Variants in NELL1 observed in about 807,000 individuals in gnomAD.
NELL1 encodes protein kinase C-binding protein NELL1.
A neutral mutation model predicts 107.4 loss-of-function variants in NELL1; 76 were observed. The observed-to-expected ratio is 0.71, with a 90% CI of 0.59 to 0.86. NELL1 has a LOEUF of 0.86. NELL1 is among the 40% of genes least tolerant of loss of function. The probability of loss-of-function intolerance (pLI) is 0.00; values close to 1 mark genes in which losing one functional copy is unlikely to be tolerated. For missense variants in NELL1, 1,024 were observed against 1,005.5 expected (o/e 1.02, Z -0.25); for synonymous variants, 353 against 341.2 (o/e 1.03, Z -0.38).
At chr11:21,211,796 C>T (rs767396055) in intron 13 of NELL1, among the ~76,000 whole-genome samples, 8 of 151,814 alleles carry the variant, frequency 5.3e-5, no homozygotes, top group African/African-American at 1.2e-4. Flanking sequence ...AATAACTGCA[C>T]GGTTCTGCTG....
At chr11:21,240,092 A>G (rs1196505739) in intron 14 of NELL1, among the ~76,000 whole-genome samples, 1 of 151,998 alleles carries the variant, frequency 6.6e-6, no homozygotes, top group Non-Finnish European at 1.5e-5. Context: ...AAGCAAAGAA[A>G]TTCAGAGCAA....
At chr11:21,106,044 G>A (rs1386945960) in intron 12 of NELL1, among the ~76,000 whole-genome samples, 1 of 148,350 alleles carries the variant, frequency 6.7e-6, no homozygotes, top group Non-Finnish European at 1.5e-5. Context: ...CATGCCTTAA[G>A]GCACAGACCT....
chr11:21,518,560 G>C (rs1017385581), intron 15 of NELL1, among the ~76,000 whole-genome samples: 10 of 152,120 alleles, frequency 6.6e-5, no homozygotes, highest in Non-Finnish European at 1.3e-4. Context: ...TTTTAAGCCG[G>C]AAAATAAAGC....
chr11:21,443,703 T>C (rs569883712), intron 15 of NELL1, among the ~76,000 whole-genome samples: 1 of 151,800 alleles, frequency 6.6e-6, no homozygotes, highest in African/African-American at 2.4e-5. Flanking sequence ...GCCTGACCAC[T>C]TGGGTGTGGT....
intron 15 of NELL1, among the ~76,000 whole-genome samples, chr11:21,518,549 C>A (rs907647849): frequency 6.6e-6 from 1 of 152,124 alleles, no homozygotes; most frequent in African/African-American, 2.4e-5. Context: ...TGTATTCCTC[C>A]TTTTAAGCCG....
chr11:21,103,302 A>AG (rs1854866180), intron 12 of NELL1, among the ~76,000 whole-genome samples: 1 of 152,094 alleles, frequency 6.6e-6, no homozygotes, highest in Non-Finnish European at 1.5e-5. Context: ...GCTTGAGGGG[A>AG]GGGGTGAATG....
At chr11:21,214,518 TA>T (rs1245898116) in intron 13 of NELL1, among the ~76,000 whole-genome samples, 1 of 152,054 alleles carries the variant, frequency 6.6e-6, no homozygotes, top group East Asian at 1.9e-4. Flanking sequence ...TCAGAATAGC[TA>T]AAACAAAAAA....
chr11:21,381,873 ATGTTTAACTTGGGTATGGTCCC>A (rs142148126), intron 15 of NELL1, among the ~76,000 whole-genome samples: 2,604 of 140,184 alleles, frequency 0.019, 59 homozygotes, highest in East Asian at 0.1. Flanking sequence ...GAATAGTGGC[ATGTTTAACTTGGGTATGGTCCC>A]TGGAAGGGAT....
In NELL1 at chr11:21,465,680, G is replaced by A. The variant is rs955420030; in HGVS notation, c.1646-68694G>A. On this transcript the variant is annotated intron_variant, in intron 15 of 19. Transcript: ENST00000357134. ...GACAAGTTATTTTCTGAAGAGAAAA[G>A]GACCAAGGAGGATGTAGTGGATAAG... Among the ~76,000 whole-genome samples, 6 of 152,052 alleles carry A rather than the reference G, an allele frequency of 3.9e-5. No homozygotes were observed. In the East Asian group the frequency reaches 5.8e-4, roughly 15 times the overall value.
At chr11:20,864,208 A>G (rs560398886) in intron 4 of NELL1, among the ~76,000 whole-genome samples, 124 of 152,306 alleles carry the variant, frequency 8.1e-4, no homozygotes, top group Non-Finnish European at 1.5e-3. Context: ...AATTGTATGT[A>G]TTTATTGTGT....
chr11:21,064,586 G>A (rs1304815836), intron 12 of NELL1, among the ~76,000 whole-genome samples: 1 of 152,116 alleles, frequency 6.6e-6, no homozygotes. Flanking sequence ...ATGGAAAGCT[G>A]CTGAAGAGTA....
At chr11:20,799,659 G>GTGTATGTA (rs55778551) in intron 3 of NELL1, among the ~76,000 whole-genome samples, 172 of 151,052 alleles carry the variant, frequency 1.1e-3, no homozygotes, top group African/African-American at 2.7e-3. Context: ...GTATGTATGT[G>GTGTATGTA]TGTATGTATG....
At chr11:20,725,391 C>T (rs11025716) in intron 2 of NELL1, among the ~76,000 whole-genome samples, 16,597 of 152,108 alleles carry the variant, frequency 0.11, 1,084 homozygotes, top group Non-Finnish European at 0.15. Context: ...GGTGAGGAAC[C>T]ATCAGAGCAG....
intron 15 of NELL1, among the ~76,000 whole-genome samples, chr11:21,492,709 C>G (rs1265862573): frequency 7.9e-6 from 1 of 126,136 alleles, no homozygotes; most frequent in East Asian, 2.3e-4. Context: ...AACACATGGA[C>G]ATAGGAAGGG....
intron 14 of NELL1, among the ~76,000 whole-genome samples, chr11:21,334,030 C>G (rs1008409415): frequency 6.6e-6 from 1 of 152,010 alleles, no homozygotes; most frequent in Admixed American, 6.6e-5. Context: ...CATTGGAGTT[C>G]ATTCATTTAT....
At chr11:21,367,078 C>T (rs986949066) in intron 14 of NELL1, among the ~76,000 whole-genome samples, 31 of 151,818 alleles carry the variant, frequency 2.0e-4, no homozygotes, top group African/African-American at 7.5e-4. Flanking sequence ...AAAAAAAGTA[C>T]TCTTTCTGTG....
chr11:20,756,750 C>G (rs192918529), intron 2 of NELL1, among the ~76,000 whole-genome samples: 1 of 152,122 alleles, frequency 6.6e-6, no homozygotes, highest in African/African-American at 2.4e-5. Context: ...TAGGTTCCCC[C>G]AGATGTGGCA....
chr11:21,161,393 T>C (rs1856365566), intron 13 of NELL1, among the ~76,000 whole-genome samples: 1 of 152,018 alleles, frequency 6.6e-6, no homozygotes, highest in Non-Finnish European at 1.5e-5. Context: ...AAAACTTAGC[T>C]GGGTGTAGTG....
At chr11:20,864,594 G>C (rs540067817) in intron 4 of NELL1, among the ~76,000 whole-genome samples, 1 of 152,302 alleles carries the variant, frequency 6.6e-6, no homozygotes, top group East Asian at 1.9e-4. Flanking sequence ...GTCCCAATTG[G>C]CAGGGGTCAA....
Sources: gnomAD v4.1 joint callset for allele counts (sites outside exome capture counted in the v4.1 genomes callset) on GRCh38, gnomAD v4.1.1 for gene constraint, MANE v1.5 for transcripts, NCBI Gene and HGNC (gene_info 2026-07-23, HGNC 2026-07-21) for gene names.